Variants in RABL6 observed in about 807,000 individuals in gnomAD.
The protein encoded by RABL6 is rab-like protein 6.
RABL6 carries 28 observed loss-of-function variants against 72.9 expected under a neutral mutation model. That is an observed-to-expected ratio of 0.38 (90% CI 0.28 to 0.53). The LOEUF is 0.53. Among genes scored for constraint, RABL6 ranks in the 20% least tolerant of loss-of-function variants. The pLI, the probability that RABL6 is intolerant of heterozygous loss-of-function variation, is 0.80. For synonymous variants in RABL6, 477 were observed against 421.2 expected (o/e 1.13, Z -1.62); for missense variants, 1,029 against 1,008.4 (o/e 1.02, Z -0.28).
In RABL6 at chr9:136,840,547, G is replaced by T. The variant is rs1287801777; in HGVS notation, c.*25G>T. The T allele has an allele frequency of 6.5e-7, 1 of 1,545,616 alleles. No individual in the cohort carries two copies. Among genetic ancestry groups the T allele is most frequent in the Non-Finnish European group, 8.7e-7 (1 of 1,145,658 alleles). ...GGCCGGCGTGGGCAGTGGCCGCCCTGGGGCGGGGGGCGTGCCTGTCACTGC... is the reference window on the plus strand; with the variant it reads ...GGCCGGCGTGGGCAGTGGCCGCCCTTGGGCGGGGGGCGTGCCTGTCACTGC... On this transcript the variant is annotated 3_prime_UTR_variant, in exon 15 of 15. Coordinates refer to ENST00000311502, the MANE Select transcript of RABL6 (RefSeq NM_024718.5).
At chr9:136,825,265 C>T (rs1180904417) in intron 2 of RABL6, among the ~76,000 whole-genome samples, 2 of 152,408 alleles carry the variant, frequency 1.3e-5, no homozygotes, top group East Asian at 3.9e-4. Context: ...GATGAAGAAA[C>T]AGGGTCAGAA....
At position 136,828,537 on chromosome 9, in the gene RABL6, C is replaced by T. The variant is rs746105115; in HGVS notation, c.357C>T (p.Asp119=). The part of the protein sequence containing the change: ...KRGDGLKMEN[D]PQEAESEMAL... Reference sequence around the variant, plus strand: ...GCGACGGCTTAAAGATGGAGAACGACCCCCAGGAGGTGAGTGCCAGGTACA... The same window carrying T: ...GCGACGGCTTAAAGATGGAGAACGATCCCCAGGAGGTGAGTGCCAGGTACA... The change falls in exon 4 of 15, where the codon GAC becomes GAT. Residue 119 remains aspartate, a synonymous_variant. Transcript: ENST00000311502. 52 of 1,613,108 alleles carry T rather than the reference C, an allele frequency of 3.2e-5. No individual in the cohort carries two copies. The highest frequency in any genetic ancestry group is 4.1e-5 in the Non-Finnish European group (48 of 1,179,738).
In RABL6 at chr9:136,829,388, C is replaced by T; in HGVS notation, c.367-5C>T. 6.4e-7 allele frequency: 1 copy of T among 1,564,140 alleles called. No individual in the cohort carries two copies. The highest frequency in any genetic ancestry group is 8.7e-7 in the Non-Finnish European group (1 of 1,154,356). On this transcript the variant is annotated splice_polypyrimidine_tract_variant and splice_region_variant and intron_variant, in intron 4 of 14. Coordinates refer to ENST00000311502, the MANE Select transcript of RABL6 (RefSeq NM_024718.5). ...AGTCTCACACCTGTTCCCTCCTGTCCCCAGGCGGAGTCTGAAATGGCCCTG... is the reference window on the plus strand; with the variant it reads ...AGTCTCACACCTGTTCCCTCCTGTCTCCAGGCGGAGTCTGAAATGGCCCTG...
In RABL6 at chr9:136,840,797, G is replaced by GT; in HGVS notation, c.*278dup. 6.5e-7 allele frequency: 1 copy of GT among 1,547,604 alleles called. No individual in the cohort carries two copies. Among genetic ancestry groups the GT allele is most frequent in the South Asian group, 1.2e-5 (1 of 83,986 alleles). On this transcript the variant is annotated 3_prime_UTR_variant, in exon 15 of 15. Transcript: ENST00000311502. ...GCCCTCTCGGGGCAGAGCCGCCAGT[G>GT]TTTCTCAGGGATGTGACTGAGGCCC...
At chr9:136,808,468 G>A in intron 1 of RABL6, 142 bp downstream of exon 1, 2 of 945,754 alleles carry the variant, frequency 2.1e-6, no homozygotes, top group Non-Finnish European at 2.7e-6. Flanking sequence ...CTCCGGGAGC[G>A]GGGGCGCGGG....
Position 136,813,432 on chromosome 9 carries a change from C to T in RABL6, c.130+5106C>T, listed in dbSNP as rs1848054507. 7 of 676,498 alleles carry T rather than the reference C, an allele frequency of 1.0e-5. No individual in the cohort carries two copies. In the Admixed American group the frequency reaches 1.3e-4, roughly 12 times the overall value. 41.9% of individuals were successfully genotyped at this position (676,498 alleles called of 1,614,324 possible). On this transcript the variant is annotated intron_variant, in intron 1 of 14. Coordinates refer to ENST00000311502, the MANE Select transcript of RABL6 (RefSeq NM_024718.5). ...TTTGATTCACCCCTCCAAGTGGTCT[C>T]TCTAGTCTTGATTTAGACCTTTCTC...
rs774147898 is a variant in RABL6, at chr9:136,837,937, G to A, written c.1202G>A (p.Arg401His). ...EDFVPDDRLDRSFLEDTTPAR... is the reference protein window; with the variant it reads ...EDFVPDDRLDHSFLEDTTPAR... ...TTTGTTCCTGACGACCGCCTGGACC[G>A]CAGCTTCCTGGAAGACACAACCCCC... Residue 401 changes from arginine to histidine, a missense_variant, in exon 10 of 15, where the codon CGC becomes CAC. Transcript: ENST00000311502. 1.9e-5 allele frequency: 29 copies of A among 1,560,292 alleles called. No homozygotes were observed. The highest frequency in any genetic ancestry group is 2.4e-5 in the East Asian group (1 of 41,624).
rs1156759331 is a variant in RABL6 at position 136,812,076 on chromosome 9, A to C, written c.130+3750A>C. 2.6e-5 allele frequency among the ~76,000 whole-genome samples: 4 copies of C among 152,338 alleles called. 1 individual carries two copies. Among genetic ancestry groups the C allele is most frequent in the Non-Finnish European group, 2.9e-5 (2 of 68,036 alleles). ...AATTATTTGAAATTATTTGGAAGAA[A>C]GATTGTTGCCTGAGTTGGTCTGTCC... On this transcript the variant is annotated intron_variant, in intron 1 of 14. Transcript: ENST00000311502.
At chr9:136,837,748 C>A in intron 9 of RABL6, 86 bp downstream of exon 9, 1 of 1,543,212 alleles carries the variant, frequency 6.5e-7, no homozygotes, top group Non-Finnish European at 8.8e-7. Context: ...GCGCTCCACG[C>A]TTCTTCCTGC....
intron 13 of RABL6, 35 bp from the exon 14 acceptor site, chr9:136,840,119 C>G: frequency 1.2e-6 from 2 of 1,612,826 alleles, no homozygotes; most frequent in South Asian, 2.2e-5. Flanking sequence ...CCCCGTTGGC[C>G]TGAGTTTGAG....
At chr9:136,832,924 AATG>A (rs1349750083) in intron 7 of RABL6, 1 of 326,454 alleles carries the variant, frequency 3.1e-6, no homozygotes, top group East Asian at 8.4e-5. Flanking sequence ...TAGCCCAGCA[AATG>A]ATGAGGCTTG....
At chr9:136,834,118 A>G (rs904516239) in intron 7 of RABL6, 1 of 1,312,774 alleles carries the variant, frequency 7.6e-7, no homozygotes, top group Non-Finnish European at 9.7e-7. Context: ...CAGCAGCGGG[A>G]CCCCTGTTTC....
chr9:136,823,487 G>A lies in RABL6; in HGVS notation c.131-38G>A, dbSNP rs375365327. 112 of 1,610,742 alleles carry A rather than the reference G, an allele frequency of 7.0e-5. No homozygotes were observed. The Middle Eastern group carries it at 1.3e-3, about 19-fold the overall frequency. ...TAAAGCTGCAGCTTGGGTTCGGTTC[G>A]TTTAATTTGCCTTTTCTTTTTCTCT... is the stretch of plus-strand genomic sequence containing the variant. On this transcript the variant is annotated intron_variant, in intron 1 of 14. Transcript: ENST00000311502.
chr9:136,818,921 C>T (rs1848181810), intron 1 of RABL6, among the ~76,000 whole-genome samples: 1 of 152,226 alleles, frequency 6.6e-6, no homozygotes, highest in South Asian at 2.1e-4. Flanking sequence ...TAACTTCAGA[C>T]TTCACTGCAG....
At chr9:136,832,076 G>A in intron 6 of RABL6, 189 bp from the exon 7 acceptor site, 1 of 899,952 alleles carries the variant, frequency 1.1e-6, no homozygotes, top group East Asian at 2.6e-5. Flanking sequence ...GTGAAGTGCT[G>A]GCACTGTGGG....
chr9:136,819,861 G>A (rs1464948426), intron 1 of RABL6, among the ~76,000 whole-genome samples: 8 of 152,086 alleles, frequency 5.3e-5, no homozygotes, highest in Non-Finnish European at 1.2e-4. Flanking sequence ...CCAGGAGGTC[G>A]AGACCAGCTT....
chr9:136,837,377 G>A lies in RABL6; in HGVS notation c.841G>A (p.Gly281Ser), dbSNP rs1354750290. 4 of 1,603,292 alleles carry A rather than the reference G, an allele frequency of 2.5e-6. No individual in the cohort carries two copies. The highest frequency in any genetic ancestry group is 1.1e-5 in the South Asian group (1 of 89,446). The change falls in exon 9 of 15, where the codon GGC (glycine) becomes AGC (serine). Residue 281 changes from glycine (G) to serine (S), a missense_variant. Gly to Ser is a moderately conservative substitution (Grantham distance 56). Coordinates refer to ENST00000311502, the MANE Select transcript of RABL6 (RefSeq NM_024718.5). ...FLEMMEARSR[G>S]HASPLAANGQ... is the part of the protein sequence containing the mutation. The stretch of plus-strand genomic sequence containing the variant: ...GGAGATGATGGAGGCTCGCAGCCGT[G>A]GCCATGCGTCCCCACTGGCGGCCAA...
Position 136,821,946 on chromosome 9 carries a change from T to C in RABL6, c.131-1579T>C, listed in dbSNP as rs1016291471. The C allele has an allele frequency of 2.3e-6, 3 of 1,288,982 alleles. No homozygotes were observed. The South Asian group carries it at 3.7e-5, about 16-fold the overall frequency. 79.8% of individuals were successfully genotyped at this position (1,288,982 alleles called of 1,614,324 possible). A position where few individuals can be genotyped will look rare whatever the true frequency, so the allele number is the denominator to read the frequency against. ...CCCTCTGGAGGTTTTGCCGCAGCGC[T>C]GGCCGGCGCCGAGATATGACCAGAG... On this transcript the variant is annotated intron_variant, in intron 1 of 14. Coordinates refer to ENST00000311502, the MANE Select transcript of RABL6 (RefSeq NM_024718.5).
chr9:136,827,900 C>T (rs752975738), intron 3 of RABL6: 2 of 152,720 alleles, frequency 1.3e-5, no homozygotes, highest in Non-Finnish European at 2.9e-5. Flanking sequence ...GGGACCACGG[C>T]CCCTCATTCT....
Sources: allele counts gnomAD v4.1 joint callset (sites outside exome capture counted in the v4.1 genomes callset), GRCh38; gene constraint gnomAD v4.1.1; transcripts MANE v1.5; gene names NCBI Gene and HGNC (gene_info 2026-07-23, HGNC 2026-07-21).